LAMA1: variants seen among roughly 807,000 people sequenced by gnomAD.
LAMA1 encodes laminin subunit alpha-1.
A neutral mutation model predicts 348.7 loss-of-function variants in LAMA1; 219 were observed. That is an observed-to-expected ratio of 0.63 (90% CI 0.56 to 0.70). LAMA1 has a LOEUF of 0.70. LAMA1 is among the 30% of genes least tolerant of loss of function. LAMA1 has a pLI of 0.00. For missense variants in LAMA1, 3,744 were observed against 3,888.0 expected (o/e 0.96, Z 0.99); for synonymous variants, 1,487 against 1,491.0 (o/e 1.00, Z 0.06).
Position 7,049,226 on chromosome 18 carries a change from C to T in LAMA1, c.620G>A (p.Ser207Asn). Residue 207 changes from serine to asparagine, a missense_variant, in exon 5 of 63, where the codon AGC (serine) becomes AAC (asparagine). By Grantham distance (46) the Ser-to-Asn change is conservative. This residue lies in a region of LAMA1 where 1,529 missense variants were observed against 1,689.4 expected (regional missense o/e 0.91). Transcript: ENST00000389658. ...IHTSLINGRP[S>N]ADDLSPKLLE... ...CAACTTGGGTGAAAGATCGTCAGCGCTTGGTCTGCCATTGATGAGTGATGT... is the reference window on the plus strand; with the variant it reads ...CAACTTGGGTGAAAGATCGTCAGCGTTTGGTCTGCCATTGATGAGTGATGT... 1 of 1,614,064 alleles carries T rather than the reference C, an allele frequency of 6.2e-7. No individual in the cohort carries two copies. The highest frequency in any genetic ancestry group is 8.5e-7 in the Non-Finnish European group (1 of 1,179,988).
At position 7,038,939 on chromosome 18, in the gene LAMA1, C is replaced by T. The variant is rs1253507874; in HGVS notation, c.1434G>A (p.Glu478=). The change falls in exon 11 of 63, where the codon GAG becomes GAA. Residue 478 remains glutamate (E), a synonymous_variant. Coordinates refer to ENST00000389658, the MANE Select transcript of LAMA1 (RefSeq NM_005559.4). ...GCTTGCAGCGATCACAGGCCTTCCC[C>T]TCAACGTTTTCCTGTAAGTTAGGGT... ...TGPCVCKENV[E]GKACDRCKPG... The T allele has an allele frequency of 1.9e-6, 3 of 1,613,522 alleles. No homozygotes were observed. The highest frequency in any genetic ancestry group is 1.7e-5 in the Admixed American group (1 of 60,002).
At chr18:7,112,077 T>A (rs796920597) in intron 1 of LAMA1, among the ~76,000 whole-genome samples, 2 of 150,748 alleles carry the variant, frequency 1.3e-5, no homozygotes, top group Non-Finnish European at 2.9e-5. Context: ...ATATATTTTT[T>A]AAAATTCTCT....
At chr18:6,946,770 G>T (rs1051085941) in intron 61 of LAMA1, among the ~76,000 whole-genome samples, 6 of 152,116 alleles carry the variant, frequency 3.9e-5, no homozygotes, top group African/African-American at 1.4e-4. Flanking sequence ...GGGTCTGGGT[G>T]AATGGTGCAT....
intron 19 of LAMA1, 74 bp downstream of exon 19, chr18:7,023,090 A>G: frequency 6.7e-7 from 1 of 1,496,528 alleles, no homozygotes; most frequent in Non-Finnish European, 9.1e-7. Flanking sequence ...GCCCTGTGTG[A>G]CACATGTGAC....
chr18:7,044,933 G>T, intron 6 of LAMA1, 94 bp from the exon 7 acceptor site: 1 of 929,428 alleles, frequency 1.1e-6, no homozygotes, highest in Non-Finnish European at 1.8e-6. Context: ...CAAATATGTG[G>T]CAAGAACCTC....
chr18:7,089,506 G>A (rs961288497), intron 1 of LAMA1, among the ~76,000 whole-genome samples: 1 of 152,216 alleles, frequency 6.6e-6, no homozygotes, highest in Non-Finnish European at 1.5e-5. Flanking sequence ...AGGCAGCCAG[G>A]AGGCCCATGA....
chr18:6,955,061 T>A, intron 57 of LAMA1: 2 of 441,068 alleles, frequency 4.5e-6, no homozygotes, highest in South Asian at 4.2e-5. Flanking sequence ...CAATAATAGA[T>A]CCAGGAGACT....
Position 6,992,545 on chromosome 18 carries a change from G to C in LAMA1, c.5168+16C>G. On this transcript the variant is annotated intron_variant, in intron 36 of 62. Coordinates refer to ENST00000389658, the MANE Select transcript of LAMA1 (RefSeq NM_005559.4). ...TCTCTACTTGGTTGCATTGCACACA[G>C]TAATTAGAAACTTACTTGAGTTCAA... 6.2e-7 allele frequency: 1 copy of C among 1,613,648 alleles called. No individual in the cohort carries two copies. Among genetic ancestry groups the C allele is most frequent in the Admixed American group, 1.7e-5 (1 of 60,020 alleles).
intron 27 of LAMA1, 123 bp downstream of exon 27, chr18:7,009,116 G>A: frequency 9.5e-7 from 1 of 1,050,932 alleles, no homozygotes; most frequent in Non-Finnish European, 1.5e-6. Context: ...ACAATGTTTT[G>A]GTAAGGAACT....
chr18:6,975,036 A>AC lies in LAMA1; in HGVS notation c.6490-1dup (p.Ser2164ValfsTer2), dbSNP rs2144035234. ...CGCATCTCCACTGCAAGGAAATCAG[A>AC]CTGGGGGGCGAGGAATGAACGGGGA... is the stretch of plus-strand genomic sequence containing the variant. On this transcript the variant is annotated frameshift_variant and splice_region_variant. Transcript: ENST00000389658. LOFTEE classifies it high-confidence loss of function. The AC allele has an allele frequency of 5.6e-6, 9 of 1,613,592 alleles. No individual in the cohort carries two copies. Among genetic ancestry groups the AC allele is most frequent in the Non-Finnish European group, 7.6e-6 (9 of 1,179,768 alleles).
chr18:6,955,748 G>A, intron 56 of LAMA1: 1 of 510,466 alleles, frequency 2.0e-6, no homozygotes, highest in Non-Finnish European at 3.7e-6. Flanking sequence ...ATTTTCATCA[G>A]GCTTAAGGGG....
chr18:6,943,240 G>T lies in LAMA1; in HGVS notation c.9007C>A (p.Pro3003Thr). 1 of 1,614,186 alleles carries T rather than the reference G, an allele frequency of 6.2e-7. No homozygotes were observed. Among genetic ancestry groups the T allele is most frequent in the Middle Eastern group, 1.6e-4 (1 of 6,062 alleles). ...VDGNAVGAESPHTQSTSVDTN... is the reference protein window; with the variant it reads ...VDGNAVGAESTHTQSTSVDTN... ...TCCACTGAGGTAGACTGGGTGTGTG[G>T]ACTTTCAGCGCCAACTGCGTTCCCG... Residue 3003 changes from proline (P) to threonine (T), a missense_variant, in exon 62 of 63, where the codon CCA becomes ACA. Physicochemically the swap from Pro to Thr is conservative, Grantham distance 38. This residue lies in a region of LAMA1 where 232 missense variants were observed against 264.4 expected (regional missense o/e 0.88). Coordinates refer to ENST00000389658, the MANE Select transcript of LAMA1 (RefSeq NM_005559.4).
chr18:6,949,054 CA>C, intron 59 of LAMA1, 46 bp downstream of exon 59: 1 of 1,611,734 alleles, frequency 6.2e-7, no homozygotes, highest in Non-Finnish European at 8.5e-7. Flanking sequence ...ACAAAATAAA[CA>C]CGAACACAAC....
At chr18:6,970,448 TC>T (rs1907233390) in intron 48 of LAMA1, among the ~76,000 whole-genome samples, 1 of 152,178 alleles carries the variant, frequency 6.6e-6, no homozygotes, top group Non-Finnish European at 1.5e-5. Flanking sequence ...AGAACGATGA[TC>T]ATTTTTCTTT....
At chr18:6,959,820 T>G (rs73390541) in intron 53 of LAMA1, 11,041 of 315,960 alleles carry the variant, frequency 0.035, 1,050 homozygotes, top group African/African-American at 0.22. Context: ...ATTTAAAGTA[T>G]TTTCCAACTT....
intron 1 of LAMA1, among the ~76,000 whole-genome samples, chr18:7,099,085 A>T (rs892854818): frequency 3.3e-5 from 5 of 151,876 alleles, no homozygotes; most frequent in East Asian, 3.9e-4. Context: ...GTGTAGAAAG[A>T]AGTAGACATG....
rs752399940 is a variant in LAMA1 at position 7,023,292 on chromosome 18, G to A, written c.2573C>T (p.Ser858Leu). ...PCDCSGNVDP[S>L]EAGHCDSVTG... ...GACTGAGTCACAGTGACCAGCCTCC[G>A]AGGGGTCCACGTTGCCGCTGCAGTC... The change falls in exon 19 of 63, where the codon TCG becomes TTG. Residue 858 changes from serine to leucine, a missense_variant. Ser to Leu is a moderately radical substitution (Grantham distance 145, BLOSUM62 -2). Around this residue, in one of 3 missense-constraint regions of LAMA1, gnomAD observed 1,529 missense variants for 1,689.4 expected, o/e 0.91. Coordinates refer to ENST00000389658, the MANE Select transcript of LAMA1 (RefSeq NM_005559.4). 22 of 1,614,014 alleles carry A rather than the reference G, an allele frequency of 1.4e-5. No homozygotes were observed. Among genetic ancestry groups the A allele is most frequent in the African/African-American group, 2.7e-5 (2 of 74,920 alleles).
At chr18:7,056,745 A>G (rs1486838653) in intron 3 of LAMA1, among the ~76,000 whole-genome samples, 1 of 152,198 alleles carries the variant, frequency 6.6e-6, no homozygotes, top group Non-Finnish European at 1.5e-5. Context: ...TCTTCCAGTT[A>G]TTCTGTTAGG....
chr18:7,013,905 G>C lies in LAMA1; in HGVS notation c.3273C>G (p.Asp1091Glu), dbSNP rs777008127. The C allele has an allele frequency of 6.2e-7, 1 of 1,613,648 alleles. No homozygotes were observed. The highest frequency in any genetic ancestry group is 8.5e-7 in the Non-Finnish European group (1 of 1,179,728). Residue 1091 changes from aspartate to glutamate, a missense_variant, in exon 23 of 63, where the codon GAC becomes GAG. This residue lies in a region of LAMA1 where 1,529 missense variants were observed against 1,689.4 expected (regional missense o/e 0.91). Coordinates refer to ENST00000389658, the MANE Select transcript of LAMA1 (RefSeq NM_005559.4). ...YRDFPDCVPC[D>E]CDLRGTSGDA... ...CCCCCGACGTCCCCCTCAGGTCACA[G>C]TCACAGGGAACACAGTCGGGAAAGT... is the stretch of plus-strand genomic sequence containing the variant.
Sources: allele counts gnomAD v4.1 joint callset (sites outside exome capture counted in the v4.1 genomes callset), GRCh38; gene constraint gnomAD v4.1.1; regional missense constraint gnomAD v4.1.1; transcripts MANE v1.5; gene names NCBI Gene and HGNC (gene_info 2026-07-23, HGNC 2026-07-21).